The following MAN2B1 variants were observed in gnomAD, a reference collection of about 807,000 sequenced individuals.
MAN2B1 encodes the protein lysosomal alpha-mannosidase.
A neutral mutation model predicts 127.5 loss-of-function variants in MAN2B1; 99 were observed. That is an observed-to-expected ratio of 0.78 (90% CI 0.66 to 0.92). MAN2B1 has a LOEUF of 0.92. Ranked by LOEUF, MAN2B1 falls within the 40% of genes least tolerant of loss-of-function variation. MAN2B1 has a pLI of 0.00. For synonymous variants in MAN2B1, 573 were observed against 568.8 expected (o/e 1.01, Z -0.11); for missense variants, 1,304 against 1,384.8 (o/e 0.94, Z 0.93).
rs749331220 is a variant in MAN2B1, at chr19:12,647,393, C to T, written c.2820+50G>A. 2.4e-5 allele frequency: 38 copies of T among 1,612,220 alleles called. No individual in the cohort carries two copies. Among genetic ancestry groups the T allele is most frequent in the South Asian group, 4.4e-5 (4 of 91,036 alleles). On this transcript the variant is annotated intron_variant, in intron 22 of 23. Transcript: ENST00000456935. This position sits in a 1 kb window ranked among gnomAD's most constrained non-coding sequence, Gnocchi z 4.9. The stretch of plus-strand genomic sequence containing the variant: ...GGGCAAAGCCAGGTTTCTCTTCTCT[C>T]CCTCTCTCTTGCCTCTCTCCGATCT...
chr19:12,665,245 C>T (rs1250247681), intron 3 of MAN2B1, 107 bp downstream of exon 3: 4 of 1,381,844 alleles, frequency 2.9e-6, no homozygotes, highest in Admixed American at 1.7e-5. Context: ...CGGAGCGACA[C>T]GCATGTTATA....
chr19:12,666,418 A>T, intron 1 of MAN2B1, 125 bp downstream of exon 1: 1 of 1,104,098 alleles, frequency 9.1e-7, no homozygotes, highest in Non-Finnish European at 1.3e-6. Flanking sequence ...GCACGCACTC[A>T]GACCACACTG....
At chr19:12,652,862 A>T (rs187171112) in intron 14 of MAN2B1, among the ~76,000 whole-genome samples, 2 of 150,332 alleles carry the variant, frequency 1.3e-5, no homozygotes, top group East Asian at 3.9e-4. Flanking sequence ...TGAGACAGAA[A>T]CTTGCTGTGT....
At position 12,647,805 on chromosome 19, in the gene MAN2B1, G is replaced by A; in HGVS notation, c.2665-207C>T. 1 of 606,208 alleles carries A rather than the reference G, an allele frequency of 1.6e-6. No individual in the cohort carries two copies. The highest frequency in any genetic ancestry group is 2.7e-5 in the East Asian group (1 of 36,364). 37.6% of individuals were successfully genotyped at this position (606,208 alleles called of 1,614,324 possible). On this transcript the variant is annotated intron_variant, in intron 21 of 23. Transcript: ENST00000456935. This position sits in a 1 kb window ranked among gnomAD's most constrained non-coding sequence, Gnocchi z 4.9. ...TGGGTCGGTCCCAAGCTTAGGGTTC[G>A]AGTCCCGATGGAGCAGAACTGATGT...
Position 12,664,866 on chromosome 19 carries a change from C to G in MAN2B1, c.556G>C (p.Asp186His), listed in dbSNP as rs2024189375. The G allele has an allele frequency of 6.2e-7, 1 of 1,614,082 alleles. No homozygotes were observed. The highest frequency in any genetic ancestry group is 2.2e-5 in the East Asian group (1 of 44,880). ...TGCCAGGCCACACGGGGTCGCCCAT[C>G]ATTGCCAAATGTGTCCTCCAGAAAG... Reference protein sequence around the residue: ...LRFLEDTFGNDGRPRVAWHID... With the variant: ...LRFLEDTFGNHGRPRVAWHID... Residue 186 changes from aspartate (D) to histidine (H), a missense_variant, in exon 4 of 24, where the codon GAT (aspartate) becomes CAT (histidine). Asp to His is a moderately conservative substitution (Grantham distance 81, BLOSUM62 -1). Transcript: ENST00000456935.
Position 12,664,898 on chromosome 19 carries a change from C to G in MAN2B1, c.524G>C (p.Gly175Ala). 6 of 1,614,182 alleles carry G rather than the reference C, an allele frequency of 3.7e-6. No homozygotes were observed. The highest frequency in any genetic ancestry group is 5.1e-6 in the Non-Finnish European group (6 of 1,180,010). The change falls in exon 4 of 24, where the codon GGG becomes GCG. Residue 175 changes from glycine (G) to alanine (A), a missense_variant. By Grantham distance (60) the Gly-to-Ala change is moderately conservative. Transcript: ENST00000456935. Reference sequence around the variant, plus strand: ...AAATGTGTCCTCCAGAAAGCGCAGCCCAAGTGTCATCTGGTCCACGATGGC... The same window carrying G: ...AAATGTGTCCTCCAGAAAGCGCAGCGCAAGTGTCATCTGGTCCACGATGGC... The part of the protein sequence containing the change: ...YGAIVDQMTL[G>A]LRFLEDTFGN...
In MAN2B1 at chr19:12,652,240, A is replaced by G. The variant is rs1399579935; in HGVS notation, c.1959T>C (p.Ser653=). 2 of 1,614,126 alleles carry G rather than the reference A, an allele frequency of 1.2e-6. No individual in the cohort carries two copies. The highest frequency in any genetic ancestry group is 1.7e-5 in the Admixed American group (1 of 60,008). ...WYNASIGDNE[S]DQASGAYIFR... is the part of the protein sequence containing the mutation. ...AGATGTAGGCACCTGAGGCCTGGTC[A>G]CTTTCGTTGTCACCTATACTGGCGT... Residue 653 remains serine, a synonymous_variant, in exon 16 of 24, where the codon AGT becomes AGC. Transcript: ENST00000456935.
intron 18 of MAN2B1, among the ~76,000 whole-genome samples, chr19:12,649,633 C>T (rs1022793154): frequency 6.6e-6 from 1 of 151,872 alleles, no homozygotes; most frequent in Non-Finnish European, 1.5e-5. Flanking sequence ...AGGTGCCCGC[C>T]ACCACACCCG....
At chr19:12,665,604 G>A (rs1461402699) in intron 2 of MAN2B1, 79 bp from the exon 3 acceptor site, 3 of 1,586,148 alleles carry the variant, frequency 1.9e-6, no homozygotes, top group Non-Finnish European at 2.6e-6. Context: ...CCCAAACCCT[G>A]GATATTAGGG....
At chr19:12,661,185 G>A (rs2024093766) in intron 7 of MAN2B1, 75 bp downstream of exon 7, 2 of 952,860 alleles carry the variant, frequency 2.1e-6, no homozygotes, top group South Asian at 2.6e-5. Flanking sequence ...AGCACTGAGA[G>A]CTATGCACAT....
At position 12,647,648 on chromosome 19, in the gene MAN2B1, G is replaced by T. The variant is rs749379616; in HGVS notation, c.2665-50C>A. 3.9e-6 allele frequency: 6 copies of T among 1,547,632 alleles called. No homozygotes were observed. The highest frequency in any genetic ancestry group is 5.3e-6 in the Non-Finnish European group (6 of 1,138,356). The stretch of plus-strand genomic sequence containing the variant: ...GTTGGAGAGGGGCGGGGCCTGGATG[G>T]AGAAGGGCGGGGCCGAGCCAGGTCA... On this transcript the variant is annotated intron_variant, in intron 21 of 23. Transcript: ENST00000456935. This position sits in a 1 kb window ranked among gnomAD's most constrained non-coding sequence, Gnocchi z 4.9.
rs1342775181 is a variant in MAN2B1 at position 12,647,566 on chromosome 19, C to T, written c.2697G>A (p.Ser899=). The T allele has an allele frequency of 2.5e-6, 4 of 1,613,854 alleles. No homozygotes were observed. Among genetic ancestry groups the T allele is most frequent in the Admixed American group, 3.3e-5 (2 of 59,998 alleles). The part of the protein sequence containing the change: ...FSGLRRDLPP[S]VHLLTLASWG... ...AGCTGGCCAGCGTGAGCAGGTGCAC[C>T]GAGGGCGGCAGGTCCCTGCGCAGCC... The change falls in exon 22 of 24, where the codon TCG becomes TCA. Residue 899 remains serine, a synonymous_variant. Coordinates refer to ENST00000456935, the MANE Select transcript of MAN2B1 (RefSeq NM_000528.4). The surrounding 1 kb of genome is among the most constrained non-coding windows in gnomAD (Gnocchi z 4.9).
At chr19:12,649,023 C>A in intron 20 of MAN2B1, 113 bp downstream of exon 20, 1 of 859,804 alleles carries the variant, frequency 1.2e-6, no homozygotes, top group Non-Finnish European at 1.9e-6. Context: ...GAAACGGAGT[C>A]CTCAGCTTAG....
At position 12,647,429 on chromosome 19, in the gene MAN2B1, T is replaced by G; in HGVS notation, c.2820+14A>C. ...GCCTCTCTCCGATCTCCTTCTCAAT[T>G]TTGCCCTTCTCACCCTCAAGTTCAA... On this transcript the variant is annotated intron_variant, in intron 22 of 23. Coordinates refer to ENST00000456935, the MANE Select transcript of MAN2B1 (RefSeq NM_000528.4). The surrounding 1 kb of genome is among the most constrained non-coding windows in gnomAD (Gnocchi z 4.9). 1 of 1,614,004 alleles carries G rather than the reference T, an allele frequency of 6.2e-7. No homozygotes were observed. The highest frequency in any genetic ancestry group is 8.5e-7 in the Non-Finnish European group (1 of 1,179,892).
chr19:12,661,658 A>T lies in MAN2B1; in HGVS notation c.910-282T>A, dbSNP rs530884400. On this transcript the variant is annotated intron_variant, in intron 6 of 23. Coordinates refer to ENST00000456935, the MANE Select transcript of MAN2B1 (RefSeq NM_000528.4). ...GAATGCACATAAATCCAGGAGGGGG[A>T]CATTGTGATGGTGAATAGAATAGCA... Among the ~76,000 whole-genome samples, 14 of 151,936 alleles carry T rather than the reference A, an allele frequency of 9.2e-5. No homozygotes were observed. In the South Asian group the frequency reaches 2.3e-3, roughly 25 times the overall value.
intron 16 of MAN2B1, 23 bp downstream of exon 16, chr19:12,652,130 A>T: frequency 6.3e-7 from 1 of 1,581,770 alleles, no homozygotes. Context: ...CCAACTGCCC[A>T]CTCATCATTC....
intron 18 of MAN2B1, 43 bp downstream of exon 18, chr19:12,649,870 C>A: frequency 6.0e-6 from 9 of 1,500,830 alleles, no homozygotes; most frequent in African/African-American, 1.4e-5. Context: ...TGGGCCCCAA[C>A]ACACCACAGA....
Position 12,664,005 on chromosome 19 carries a change from AT to A in MAN2B1, c.631-171del, listed in dbSNP as rs1264571748. Among the ~76,000 whole-genome samples the A allele has an allele frequency of 1.2e-4, 18 of 152,270 alleles. No homozygotes were observed. In the South Asian group the frequency reaches 2.5e-3, roughly 21 times the overall value. ...CCTTCTGGGAGGCCAAAACAGGAGG[AT>A]CACTTAAACCCAGGAGTTTTTGAGA... is the stretch of plus-strand genomic sequence containing the variant. On this transcript the variant is annotated intron_variant, in intron 4 of 23. Transcript: ENST00000456935.
At position 12,647,789 on chromosome 19, in the gene MAN2B1, C is replaced by A; in HGVS notation, c.2665-191G>T. The A allele has an allele frequency of 1.6e-6, 1 of 611,436 alleles. No individual in the cohort carries two copies. The highest frequency in any genetic ancestry group is 2.9e-6 in the Non-Finnish European group (1 of 347,126). 37.9% of individuals were successfully genotyped at this position (611,436 alleles called of 1,614,324 possible). A position where few individuals can be genotyped will look rare whatever the true frequency, so the allele number is the denominator to read the frequency against. ...TGAGCCAATGGGGAGATGGGTCGGTCCCAAGCTTAGGGTTCGAGTCCCGAT... is the reference window on the plus strand; with the variant it reads ...TGAGCCAATGGGGAGATGGGTCGGTACCAAGCTTAGGGTTCGAGTCCCGAT... On this transcript the variant is annotated intron_variant, in intron 21 of 23. Transcript: ENST00000456935. This position sits in a 1 kb window ranked among gnomAD's most constrained non-coding sequence, Gnocchi z 4.9.
Sources: gnomAD v4.1 joint callset for allele counts (sites outside exome capture counted in the v4.1 genomes callset) on GRCh38, gnomAD v4.1.1 for gene constraint, Gnocchi (gnomAD v3.1) non-coding constraint, MANE v1.5 for transcripts, NCBI Gene and HGNC (gene_info 2026-07-23, HGNC 2026-07-21) for gene names.